Variants in CARD10 observed in about 807,000 individuals in gnomAD.
CARD10 encodes caspase recruitment domain family member 10.
Under a neutral mutation model 114.6 loss-of-function variants are expected in CARD10, and 49 were observed. The observed-to-expected ratio is 0.43, with a 90% confidence interval of 0.34 to 0.54. The LOEUF (loss-of-function observed/expected upper bound fraction) is 0.54. Ranked by LOEUF, CARD10 falls within the 20% of genes least tolerant of loss-of-function variation. CARD10 has a pLI of 0.03. For missense variants in CARD10, 1,206 were observed against 1,397.2 expected, an observed-to-expected ratio of 0.86 and a Z score of 2.18; for synonymous variants, 602 against 593.2, an observed-to-expected ratio of 1.01 and a Z score of -0.21.
At chr22:37,505,365 T>C (rs1000908927) in intron 7 of CARD10, among the ~76,000 whole-genome samples, 1 of 152,002 alleles carries the variant, frequency 6.6e-6, no homozygotes, top group African/African-American at 2.4e-5. Context: ...CGGAGCTCAC[T>C]GTCAGGCAAC....
Position 37,502,704 on chromosome 22 carries a change from C to G in CARD10, c.1685G>C (p.Trp562Ser). ...DITGSVTLKP[W>S]SPGLSSSSSS... ...TGAGGACGAAGAGAGGCCAGGGGAC[C>G]AGGGCTTAAGTGTCACACTCCCTGG... Residue 562 changes from tryptophan (W) to serine (S), a missense_variant, in exon 11 of 20, where the codon TGG becomes TCG. This residue lies in a region of CARD10 where 1,068 missense variants were observed against 1,179.1 expected (regional missense o/e 0.91). Coordinates refer to ENST00000251973, the MANE Select transcript of CARD10 (RefSeq NM_014550.4). 1 of 1,613,522 alleles carries G rather than the reference C, an allele frequency of 6.2e-7. No individual in the cohort carries two copies. The highest frequency in any genetic ancestry group is 8.5e-7 in the Non-Finnish European group (1 of 1,179,814).
Position 37,519,346 on chromosome 22 carries a change from G to A in CARD10, c.-146C>T. On this transcript the variant is annotated 5_prime_UTR_variant, in exon 1 of 20. Transcript: ENST00000251973. The surrounding 1 kb of genome is among the most constrained non-coding windows in gnomAD (Gnocchi z 4.1). ...CCCCGAGCTCCCCGCGACTCACCCC[G>A]CACGCTACAGTCGCCTCGGGCTCCC... The A allele has an allele frequency of 1.1e-5, 14 of 1,302,930 alleles. No individual in the cohort carries two copies. Among genetic ancestry groups the A allele is most frequent in the South Asian group, 2.2e-5 (1 of 45,176 alleles). The allele number at this position is 1,302,930 out of a possible 1,614,324, so 80.7% of individuals were successfully genotyped here.
chr22:37,491,277 C>G lies in CARD10; in HGVS notation c.2981G>C (p.Trp994Ser). 1 of 1,570,014 alleles carries G rather than the reference C, an allele frequency of 6.4e-7. No individual in the cohort carries two copies. The highest frequency in any genetic ancestry group is 8.6e-7 in the Non-Finnish European group (1 of 1,163,796). Reference protein sequence around the residue: ...CSWVQVPAHEWGHAEELAKVV... With the variant: ...CSWVQVPAHESGHAEELAKVV... ...CTTGGCCAGCTCCTCTGCGTGTCCCCACTCATGGGCGGGCACCTGCACCCA... is the reference window on the plus strand; with the variant it reads ...CTTGGCCAGCTCCTCTGCGTGTCCCGACTCATGGGCGGGCACCTGCACCCA... The change falls in exon 20 of 20, where the codon TGG becomes TCG. Residue 994 changes from tryptophan (W) to serine (S), a missense_variant. Physicochemically the swap from Trp to Ser is radical, Grantham distance 177 (BLOSUM62 -3). Transcript: ENST00000251973.
chr22:37,509,827 C>CCCCA (rs1923563670), intron 4 of CARD10, among the ~76,000 whole-genome samples: 1 of 93,536 alleles, frequency 1.1e-5, no homozygotes, highest in Non-Finnish European at 2.4e-5. Context: ...TCCTGCCAGC[C>CCCCA]TGTGCCCACA....
In CARD10 at chr22:37,510,146, C is replaced by CTGG. The variant is rs1923580973; in HGVS notation, c.909+65_909+66insCCA. ...ACCCCGCAGCCTGTGCCCACAAGCC[C>CTGG]CAGTACCTGCTGCAGGCCCTCCTGA... On this transcript the variant is annotated intron_variant, in intron 4 of 19. Coordinates refer to ENST00000251973, the MANE Select transcript of CARD10 (RefSeq NM_014550.4). The CTGG allele has an allele frequency of 4.3e-6, 6 of 1,410,486 alleles. 1 individual carries two copies. The South Asian group carries it at 5.9e-5, about 14-fold the overall frequency. 87.4% of individuals were successfully genotyped at this position (1,410,486 alleles called of 1,614,324 possible). A position where few individuals can be genotyped will look rare whatever the true frequency, so the allele number is the denominator to read the frequency against.
Position 37,490,836 on chromosome 22 carries a change from C to A in CARD10, c.*323G>T, listed in dbSNP as rs142420743. 2 of 350,918 alleles carry A rather than the reference C, an allele frequency of 5.7e-6. No individual in the cohort carries two copies. The highest frequency in any genetic ancestry group is 5.2e-6 in the Non-Finnish European group (1 of 191,142). The allele number at this position is 350,918 out of a possible 1,614,324, so 21.7% of individuals were successfully genotyped here. Reference sequence around the variant, plus strand: ...ATGAGAACTTGAGTGTGCAAACCTGCGCACAGGTGTGAGAACAGACTCCAG... The same window carrying A: ...ATGAGAACTTGAGTGTGCAAACCTGAGCACAGGTGTGAGAACAGACTCCAG... On this transcript the variant is annotated 3_prime_UTR_variant, in exon 20 of 20. Coordinates refer to ENST00000251973, the MANE Select transcript of CARD10 (RefSeq NM_014550.4).
intron 16 of CARD10, 120 bp downstream of exon 16, chr22:37,493,966 G>A (rs1343811162): frequency 1.3e-6 from 1 of 764,846 alleles, no homozygotes; most frequent in Non-Finnish European, 2.3e-6. Flanking sequence ...ACTCCTGTTG[G>A]AACCCTCACA....
chr22:37,509,231 T>G (rs1262704756), intron 4 of CARD10: 8 of 1,203,154 alleles, frequency 6.6e-6, no homozygotes, highest in Admixed American at 3.0e-5. Flanking sequence ...ATGCAGCTGC[T>G]GACCTGCCAC....
rs747209991 is a variant in CARD10, at chr22:37,501,717, C to T, written c.1787+885G>A. ...GGGCAAGTTGCTTAACCTCTCTGAG[C>T]CCCAGTTACCTCCTCTATGGAGCAG... On this transcript the variant is annotated intron_variant, in intron 11 of 19. Transcript: ENST00000251973. This position sits in a 1 kb window ranked among gnomAD's most constrained non-coding sequence, Gnocchi z 5.4. Among the ~76,000 whole-genome samples the T allele has an allele frequency of 1.3e-5, 2 of 152,228 alleles. No individual in the cohort carries two copies. The highest frequency in any genetic ancestry group is 2.9e-5 in the Non-Finnish European group (2 of 68,050).
At chr22:37,494,046 G>A (rs1469138652) in intron 16 of CARD10, 40 bp downstream of exon 16, 1 of 1,399,002 alleles carries the variant, frequency 7.1e-7, no homozygotes, top group African/African-American at 1.4e-5. Context: ...CCTGGACAAT[G>A]GGAGCAACAC....
chr22:37,507,890 T>C lies in CARD10; in HGVS notation c.1130A>G (p.Tyr377Cys). The C allele has an allele frequency of 6.2e-7, 1 of 1,614,176 alleles. No individual in the cohort carries two copies. Among genetic ancestry groups the C allele is most frequent in the Non-Finnish European group, 8.5e-7 (1 of 1,180,008 alleles). Residue 377 changes from tyrosine to cysteine, a missense_variant, in exon 6 of 20, where the codon TAC becomes TGC. Around this residue, in one of 2 missense-constraint regions of CARD10, gnomAD observed 1,068 missense variants for 1,179.1 expected, o/e 0.91. Transcript: ENST00000251973. ...CAGGACAGTGGCCATGCGGTGCTTG[T>C]ACAGGTCACAGTCCTTCTGCAGCGT... ...HRTLQKDCDL[Y>C]KHRMATVLAQ...
In CARD10 at chr22:37,496,492, G is replaced by A. The variant is rs757997262; in HGVS notation, c.2016C>T (p.Leu672=). 6.2e-7 allele frequency: 1 copy of A among 1,613,848 alleles called. No homozygotes were observed. The highest frequency in any genetic ancestry group is 8.5e-7 in the Non-Finnish European group (1 of 1,179,900). Reference sequence around the variant, plus strand: ...AGGGGAGTGTGGACCCCTGATTCCAGAGCAAGGTTCTCTGCTGGGCCTCGG... The same window carrying A: ...AGGGGAGTGTGGACCCCTGATTCCAAAGCAAGGTTCTCTGCTGGGCCTCGG... ...LEAEAQQRTL[L]WNQGSTLPSL... is the part of the protein sequence containing the mutation. Residue 672 remains leucine, a synonymous_variant, in exon 13 of 20, where the codon CTC becomes CTT. Coordinates refer to ENST00000251973, the MANE Select transcript of CARD10 (RefSeq NM_014550.4). The surrounding 1 kb of genome is among the most constrained non-coding windows in gnomAD (Gnocchi z 4.1).
intron 10 of CARD10, among the ~76,000 whole-genome samples, 174 bp from the exon 11 acceptor site, chr22:37,502,899 C>T (rs1297878084): frequency 1.3e-5 from 2 of 152,242 alleles, no homozygotes; most frequent in African/African-American, 4.8e-5. Context: ...AGGCTGACCC[C>T]GCAGTTTCCC....
chr22:37,503,590 C>G (rs968923077), intron 9 of CARD10, among the ~76,000 whole-genome samples: 6 of 152,282 alleles, frequency 3.9e-5, no homozygotes, highest in East Asian at 3.9e-4. Context: ...AAACCATGAC[C>G]TCCTCATCAG....
At position 37,506,279 on chromosome 22, in the gene CARD10, C is replaced by G. The variant is rs1379155025; in HGVS notation, c.1296G>C (p.Glu432Asp). The change falls in exon 7 of 20, where the codon GAG becomes GAC. Residue 432 changes from glutamate to aspartate, a missense_variant. Around this residue, in one of 2 missense-constraint regions of CARD10, gnomAD observed 1,068 missense variants for 1,179.1 expected, o/e 0.91. Coordinates refer to ENST00000251973, the MANE Select transcript of CARD10 (RefSeq NM_014550.4). ...QVRGLEAERDELLTTLTSLEG... is the reference protein window; with the variant it reads ...QVRGLEAERDDLLTTLTSLEG... ...CCAGGCTGGTGAGCGTTGTCAGCAG[C>G]TCATCCCGCTCCGCCTCCAGGCCCC... 6.2e-6 allele frequency: 10 copies of G among 1,609,882 alleles called. No homozygotes were observed. The highest frequency in any genetic ancestry group is 4.0e-5 in the African/African-American group (3 of 74,876).
chr22:37,504,062 G>T, intron 9 of CARD10, 124 bp downstream of exon 9: 1 of 768,596 alleles, frequency 1.3e-6, no homozygotes, highest in South Asian at 1.5e-5. Context: ...CCAGCCATCT[G>T]AGGGCAATAA....
At chr22:37,494,909 G>A (rs1011743190) in intron 15 of CARD10, among the ~76,000 whole-genome samples, 10 of 152,162 alleles carry the variant, frequency 6.6e-5, no homozygotes, top group Admixed American at 3.9e-4. Context: ...CGCTGGCCAC[G>A]AAGCCCAGCC....
At chr22:37,510,954 T>C (rs1208470545) in intron 3 of CARD10, among the ~76,000 whole-genome samples, 1 of 151,984 alleles carries the variant, frequency 6.6e-6, no homozygotes, top group African/African-American at 2.4e-5. Flanking sequence ...TGGTGGCACA[T>C]GCCTGTAGTC....
At position 37,491,232 on chromosome 22, in the gene CARD10, A is replaced by C; in HGVS notation, c.3026T>G (p.Leu1009Arg). The change falls in exon 20 of 20, where the codon CTG becomes CGG. Residue 1009 changes from leucine (L) to arginine (R), a missense_variant. Physicochemically the swap from Leu to Arg is moderately radical, Grantham distance 102 (BLOSUM62 -2). Transcript: ENST00000251973. ...ELAKVVRGRILQEQARLVWVE... is the reference protein window; with the variant it reads ...ELAKVVRGRIRQEQARLVWVE... ...CCACACGAGGCGGGCCTGCTCCTGC[A>C]GGATGCGGCCGCGCACCACCTTGGC... 1 of 1,567,356 alleles carries C rather than the reference A, an allele frequency of 6.4e-7. No homozygotes were observed. The highest frequency in any genetic ancestry group is 8.6e-7 in the Non-Finnish European group (1 of 1,160,764).
Sources: gnomAD v4.1 joint callset for allele counts (sites outside exome capture counted in the v4.1 genomes callset) on GRCh38, gnomAD v4.1.1 for gene constraint, gnomAD v4.1.1 regional missense constraint, Gnocchi (gnomAD v3.1) non-coding constraint, MANE v1.5 for transcripts, NCBI Gene and HGNC (gene_info 2026-07-23, HGNC 2026-07-21) for gene names.